Variants in TMEM135 observed in about 807,000 individuals in gnomAD.
TMEM135 encodes peroxisomal membrane protein 52.
A neutral mutation model predicts 60.3 loss-of-function variants in TMEM135; 30 were observed. That is an observed-to-expected ratio of 0.50 (90% CI 0.37 to 0.68). TMEM135 has a LOEUF of 0.68. Ranked by LOEUF, TMEM135 falls within the 30% of genes least tolerant of loss-of-function variation. TMEM135 has a pLI of 0.00. For missense variants in TMEM135, 468 were observed against 548.8 expected (o/e 0.85, Z 1.47); for synonymous variants, 190 against 186.7 (o/e 1.02, Z -0.14).
intron 2 of TMEM135, 30 bp downstream of exon 2, chr11:87,067,851 A>G: frequency 6.2e-7 from 1 of 1,611,546 alleles, no homozygotes; most frequent in Non-Finnish European, 8.5e-7. Flanking sequence ...ATAGATACTA[A>G]TATAGGTTCT....
chr11:87,147,220 G>C (rs1156552317), intron 4 of TMEM135, among the ~76,000 whole-genome samples: 1 of 152,262 alleles, frequency 6.6e-6, no homozygotes, highest in Admixed American at 6.5e-5. Flanking sequence ...CTACTCGGGA[G>C]GCTGAGGCAC....
In TMEM135 at chr11:87,325,138, T is replaced by TGGG. The variant is rs71654493; in HGVS notation, c.*3809_*3811dup. ...TCAAGGACTGAGATGACCCTCAGAT[T>TGGG]GGGGGGCTGTCTTAGATTCTAGGGC... is the stretch of plus-strand genomic sequence containing the variant. On this transcript the variant is annotated 3_prime_UTR_variant, in exon 15 of 15. Coordinates refer to ENST00000305494, the MANE Select transcript of TMEM135 (RefSeq NM_022918.4). 2.4e-5 allele frequency: 11 copies of TGGG among 453,728 alleles called. No homozygotes were observed. The highest frequency in any genetic ancestry group is 2.1e-4 in the East Asian group (3 of 14,382). The allele number at this position is 453,728 out of a possible 1,614,324, so 28.1% of individuals were successfully genotyped here. A position where few individuals can be genotyped will look rare whatever the true frequency, so the allele number is the denominator to read the frequency against.
chr11:87,165,347 G>T lies in TMEM135; in HGVS notation c.462+7941G>T, dbSNP rs962400914. Among the ~76,000 whole-genome samples, 109 of 123,776 alleles carry T rather than the reference G, an allele frequency of 8.8e-4. 6 individuals carry two copies. Among genetic ancestry groups the T allele is most frequent in the African/African-American group, 3.2e-3 (102 of 31,746 alleles). 81.2% of individuals were successfully genotyped at this position (123,776 alleles called of 152,430 possible). ...GTTTATATGCTGGATTACATTTATT[G>T]ATTTGCGTATATTGAACCAGCCTTG... On this transcript the variant is annotated intron_variant, in intron 5 of 14. Coordinates refer to ENST00000305494, the MANE Select transcript of TMEM135 (RefSeq NM_022918.4).
intron 5 of TMEM135, among the ~76,000 whole-genome samples, chr11:87,226,975 G>A (rs142097528): frequency 1.3e-5 from 2 of 152,256 alleles, no homozygotes; most frequent in Admixed American, 1.3e-4. Context: ...CTTGAACCTG[G>A]GAGGTGGAGG....
At position 87,327,841 on chromosome 11, in the gene TMEM135, G is replaced by T. The variant is rs920532093; in HGVS notation, c.*6508G>T. 2.2e-6 allele frequency: 1 copy of T among 453,964 alleles called. No homozygotes were observed. Among genetic ancestry groups the T allele is most frequent in the African/African-American group, 2.0e-5 (1 of 49,986 alleles). The allele number at this position is 453,964 out of a possible 1,614,324, so 28.1% of individuals were successfully genotyped here. ...TCTGGGGTCCTAATGTCCATGGGCA[G>T]TTGGAGAAGAGTGTATCCCTGCTGC... On this transcript the variant is annotated 3_prime_UTR_variant, in exon 15 of 15. Transcript: ENST00000305494.
At chr11:87,151,267 A>G (rs1938549151) in intron 4 of TMEM135, among the ~76,000 whole-genome samples, 1 of 152,120 alleles carries the variant, frequency 6.6e-6, no homozygotes, top group Non-Finnish European at 1.5e-5. Flanking sequence ...AATTCCTGGA[A>G]GAGTTTCTCA....
At chr11:87,042,207 G>C (rs2135103169) in intron 1 of TMEM135, among the ~76,000 whole-genome samples, 1 of 152,276 alleles carries the variant, frequency 6.6e-6, no homozygotes, top group South Asian at 2.1e-4. Flanking sequence ...GGACAATAAT[G>C]GTAATAGACT....
At chr11:87,043,473 C>A (rs976686563) in intron 1 of TMEM135, among the ~76,000 whole-genome samples, 1 of 151,896 alleles carries the variant, frequency 6.6e-6, no homozygotes, top group East Asian at 1.9e-4. Context: ...CGCCTGTAAT[C>A]CCAGCACTTT....
intron 6 of TMEM135, among the ~76,000 whole-genome samples, chr11:87,247,292 G>GGGGGTCA (rs1941303206): frequency 1.3e-5 from 2 of 152,304 alleles, no homozygotes; most frequent in Admixed American, 6.5e-5. Context: ...TAGGCTGCTC[G>GGGGGTCA]GGGGTCAGGG....
At chr11:87,260,134 C>A (rs375824890) in intron 6 of TMEM135, among the ~76,000 whole-genome samples, 1 of 152,054 alleles carries the variant, frequency 6.6e-6, no homozygotes, top group African/African-American at 2.4e-5. Context: ...ATGTTCAGAA[C>A]AAGAATAATA....
chr11:87,227,763 G>A (rs1439338647), intron 5 of TMEM135, among the ~76,000 whole-genome samples: 1 of 152,138 alleles, frequency 6.6e-6, no homozygotes, highest in Non-Finnish European at 1.5e-5. Flanking sequence ...TACTTGTTCA[G>A]TAAGAGCTGT....
At chr11:87,056,060 G>T (rs888263918) in intron 1 of TMEM135, among the ~76,000 whole-genome samples, 1 of 152,172 alleles carries the variant, frequency 6.6e-6, no homozygotes, top group African/African-American at 2.4e-5. Context: ...ATAGGGGGAG[G>T]TGTGCTCTGC....
chr11:87,235,596 T>C (rs1940978469), intron 5 of TMEM135, among the ~76,000 whole-genome samples: 1 of 151,994 alleles, frequency 6.6e-6, no homozygotes, highest in South Asian at 2.1e-4. Flanking sequence ...ATTTCTGTTC[T>C]TGTGGTCACC....
At chr11:87,101,088 G>C (rs1591019625) in intron 4 of TMEM135, among the ~76,000 whole-genome samples, 1 of 152,250 alleles carries the variant, frequency 6.6e-6, no homozygotes, top group South Asian at 2.1e-4. Context: ...TAGTTTTCTA[G>C]ATTTTAAATG....
At chr11:87,188,556 T>C (rs908832673) in intron 5 of TMEM135, among the ~76,000 whole-genome samples, 4 of 151,822 alleles carry the variant, frequency 2.6e-5, no homozygotes, top group Non-Finnish European at 4.4e-5. Context: ...ATACAAAAAT[T>C]AGCCAGGTAT....
At chr11:87,096,997 ACT>A (rs1448444540) in intron 4 of TMEM135, among the ~76,000 whole-genome samples, 1 of 122,112 alleles carries the variant, frequency 8.2e-6, no homozygotes, top group Non-Finnish European at 1.6e-5. Flanking sequence ...CCTGGAAGCC[ACT>A]CTTTTTTTTT....
chr11:87,283,000 T>C (rs1817572347), intron 6 of TMEM135, among the ~76,000 whole-genome samples: 1 of 152,132 alleles, frequency 6.6e-6, no homozygotes, highest in Non-Finnish European at 1.5e-5. Context: ...TGTTTCTCTT[T>C]CTTGGGGGTC....
At chr11:87,210,202 A>G (rs1170967372) in intron 5 of TMEM135, among the ~76,000 whole-genome samples, 3 of 152,178 alleles carry the variant, frequency 2.0e-5, no homozygotes, top group Non-Finnish European at 4.4e-5. Context: ...GTGAAAATCC[A>G]TACAAAAGAT....
intron 4 of TMEM135, among the ~76,000 whole-genome samples, chr11:87,139,226 A>G (rs1938197332): frequency 6.6e-6 from 1 of 152,198 alleles, no homozygotes; most frequent in Admixed American, 6.5e-5. Context: ...GGGGAGTTGA[A>G]TTACCACTGA....
Sources: gnomAD v4.1 joint callset for allele counts (sites outside exome capture counted in the v4.1 genomes callset) on GRCh38, gnomAD v4.1.1 for gene constraint, MANE v1.5 for transcripts, NCBI Gene and HGNC (gene_info 2026-07-23, HGNC 2026-07-21) for gene names.